Variants in TNFRSF11A observed in about 807,000 individuals in gnomAD.
TNFRSF11A encodes the protein tumor necrosis factor receptor superfamily member 11A.
Under a neutral mutation model 55.7 loss-of-function variants are expected in TNFRSF11A, and 32 were observed. That is an observed-to-expected ratio of 0.57 (90% CI 0.43 to 0.77). TNFRSF11A has a LOEUF of 0.77. Ranked by LOEUF, TNFRSF11A falls within the 30% of genes least tolerant of loss-of-function variation. The pLI, the probability that TNFRSF11A is intolerant of heterozygous loss-of-function variation, is 0.00. For synonymous variants in TNFRSF11A, 311 were observed against 331.0 expected (o/e 0.94, Z 0.65); for missense variants, 753 against 809.8 (o/e 0.93, Z 0.85).
chr18:62,380,123 T>G (rs1186461460), intron 9 of TNFRSF11A, among the ~76,000 whole-genome samples: 1 of 152,198 alleles, frequency 6.6e-6, no homozygotes, highest in Non-Finnish European at 1.5e-5. Context: ...CAGCAAAGCA[T>G]TTAACCCAGC....
chr18:62,376,837 GCC>G (rs1331479157), intron 9 of TNFRSF11A, among the ~76,000 whole-genome samples: 1 of 152,120 alleles, frequency 6.6e-6, no homozygotes, highest in Non-Finnish European at 1.5e-5. Flanking sequence ...ACATTCTATA[GCC>G]TTTTCAGATT....
At chr18:62,363,145 A>G (rs1484974193) in intron 7 of TNFRSF11A, among the ~76,000 whole-genome samples, 1 of 151,950 alleles carries the variant, frequency 6.6e-6, no homozygotes, top group African/African-American at 2.4e-5. Context: ...CGCCTGGCCC[A>G]GTTGGTTGCT....
chr18:62,377,481 G>T (rs1910980100), intron 9 of TNFRSF11A, among the ~76,000 whole-genome samples: 1 of 152,206 alleles, frequency 6.6e-6, no homozygotes, highest in Admixed American at 6.5e-5. Flanking sequence ...TTCCAAAGCA[G>T]CTGTACCCTT....
At chr18:62,347,741 C>T (rs1488945623) in intron 1 of TNFRSF11A, among the ~76,000 whole-genome samples, 2 of 152,012 alleles carry the variant, frequency 1.3e-5, no homozygotes, top group Admixed American at 6.6e-5. Context: ...GGTGAAACCC[C>T]GTCTCTACTA....
chr18:62,366,268 G>A (rs1224254049), intron 7 of TNFRSF11A, among the ~76,000 whole-genome samples: 1 of 152,190 alleles, frequency 6.6e-6, no homozygotes, highest in African/African-American at 2.4e-5. Flanking sequence ...TAAAAATCTA[G>A]AATGATTGCA....
rs546997537 is a variant in TNFRSF11A, at chr18:62,325,605, G to T, written c.75+178G>T. On this transcript the variant is annotated intron_variant, in intron 1 of 9. Transcript: ENST00000586569. The surrounding 1 kb of genome is among the most constrained non-coding windows in gnomAD (Gnocchi z 4.7). Reference sequence around the variant, plus strand: ...TCCAGAGTTGGACGGCGGAGGGCGGGAAAGGGCAAGCGGAGGGAAACTGGG... The same window carrying T: ...TCCAGAGTTGGACGGCGGAGGGCGGTAAAGGGCAAGCGGAGGGAAACTGGG... Among the ~76,000 whole-genome samples, 88 of 152,222 alleles carry T rather than the reference G, an allele frequency of 5.8e-4. No individual in the cohort carries two copies. Among genetic ancestry groups the T allele is most frequent in the South Asian group, 1.0e-3 (5 of 4,830 alleles).
intron 1 of TNFRSF11A, among the ~76,000 whole-genome samples, chr18:62,343,180 T>C (rs944317014): frequency 6.6e-6 from 1 of 152,254 alleles, no homozygotes; most frequent in Non-Finnish European, 1.5e-5. Context: ...ATACCATCCT[T>C]ACTGAAGTTA....
At chr18:62,362,222 G>A (rs1909742712) in intron 7 of TNFRSF11A, among the ~76,000 whole-genome samples, 1 of 152,082 alleles carries the variant, frequency 6.6e-6, no homozygotes, top group Non-Finnish European at 1.5e-5. Context: ...TGGGTGTGGT[G>A]GCTCACACTT....
intron 7 of TNFRSF11A, among the ~76,000 whole-genome samples, chr18:62,363,921 C>T (rs12959053): frequency 0.12 from 17,687 of 152,310 alleles, 1,482 homozygotes; most frequent in Non-Finnish European, 0.18. Flanking sequence ...GTTAGCTCTT[C>T]ATCCTTTCAT....
intron 1 of TNFRSF11A, among the ~76,000 whole-genome samples, chr18:62,326,630 C>T (rs1490320630): frequency 6.6e-6 from 1 of 152,234 alleles, no homozygotes; most frequent in Non-Finnish European, 1.5e-5. Context: ...TTATCTCTCA[C>T]TGCTGTCGCA....
chr18:62,327,229 G>A (rs2046089328), intron 1 of TNFRSF11A, among the ~76,000 whole-genome samples: 1 of 151,118 alleles, frequency 6.6e-6, no homozygotes, highest in South Asian at 2.1e-4. Context: ...AATCTTCTCT[G>A]GGTGAGAAGA....
At chr18:62,371,344 G>C (rs1007846206) in intron 9 of TNFRSF11A, among the ~76,000 whole-genome samples, 1 of 152,210 alleles carries the variant, frequency 6.6e-6, no homozygotes, top group Non-Finnish European at 1.5e-5. Context: ...TGGAAGAACA[G>C]TGTTGGCCAG....
chr18:62,360,621 GTT>G, intron 6 of TNFRSF11A, among the ~76,000 whole-genome samples: 1 of 151,992 alleles, frequency 6.6e-6, no homozygotes, highest in South Asian at 2.1e-4. Flanking sequence ...TAGTTTTTGT[GTT>G]TTTAGTAGAG....
chr18:62,354,536 T>G lies in TNFRSF11A; in HGVS notation c.427+2T>G, dbSNP rs1451937043. The G allele has an allele frequency of 1.2e-6, 2 of 1,602,554 alleles. No homozygotes were observed. The highest frequency in any genetic ancestry group is 1.7e-6 in the Non-Finnish European group (2 of 1,179,460). On this transcript the variant is annotated splice_donor_variant, in intron 4 of 9. Coordinates refer to ENST00000586569, the MANE Select transcript of TNFRSF11A (RefSeq NM_003839.4). LOFTEE classifies it high-confidence loss of function. ...CGGGCCTGGGCGCCCAGCACCCGTGTACGGGTTGGATGTGTGCGTCTGTCG... is the reference window on the plus strand; with the variant it reads ...CGGGCCTGGGCGCCCAGCACCCGTGGACGGGTTGGATGTGTGCGTCTGTCG...
chr18:62,359,809 G>C (rs1211739169), intron 5 of TNFRSF11A, 146 bp from the exon 6 acceptor site: 1 of 713,566 alleles, frequency 1.4e-6, no homozygotes, highest in East Asian at 2.8e-5. Context: ...TCTCCTCCCT[G>C]TGGAAGGCAC....
chr18:62,361,686 A>G lies in TNFRSF11A; in HGVS notation c.623A>G (p.His208Arg). The change falls in exon 7 of 10, where the codon CAT becomes CGT. Residue 208 changes from histidine to arginine, a missense_variant. His to Arg is a conservative substitution (Grantham distance 29). This residue lies in a region of TNFRSF11A where 567 missense variants were observed against 596.7 expected (regional missense o/e 0.95). Transcript: ENST00000586569. ...LPARKPPNEP[H>R]VYLPGLIILL... ...TCATTTTCTTCCAATACAGAACCCC[A>G]TGTTTACTTGCCCGGTTTAATAATT... 2 of 1,613,880 alleles carry G rather than the reference A, an allele frequency of 1.2e-6. No individual in the cohort carries two copies. The highest frequency in any genetic ancestry group is 1.7e-6 in the Non-Finnish European group (2 of 1,179,790).
chr18:62,366,197 C>G (rs1358352805), intron 7 of TNFRSF11A, among the ~76,000 whole-genome samples: 1 of 152,180 alleles, frequency 6.6e-6, no homozygotes, highest in East Asian at 1.9e-4. Context: ...TTGCGGTGGA[C>G]TCTGTTGAAA....
At chr18:62,370,965 G>C (rs1910508448) in intron 9 of TNFRSF11A, among the ~76,000 whole-genome samples, 1 of 152,076 alleles carries the variant, frequency 6.6e-6, no homozygotes, top group African/African-American at 2.4e-5. Context: ...GAGTGGCTGG[G>C]ACTATAGGCG....
rs984101155 is a variant in TNFRSF11A, at chr18:62,368,817, C to T, written c.900C>T (p.Cys300=). Residue 300 remains cysteine (C), a synonymous_variant, in exon 9 of 10, where the codon TGC becomes TGT. Coordinates refer to ENST00000586569, the MANE Select transcript of TNFRSF11A (RefSeq NM_003839.4). ...LEEKTFPEDM[C]YPDQGGVCQG... is the part of the protein sequence containing the mutation. ...AGAAGACATTTCCAGAAGATATGTG[C>T]TACCCAGATCAAGGTGGTGTCTGTC... 3 of 1,614,112 alleles carry T rather than the reference C, an allele frequency of 1.9e-6. No individual in the cohort carries two copies. The highest frequency in any genetic ancestry group is 1.7e-6 in the Non-Finnish European group (2 of 1,180,054).
Sources: allele counts gnomAD v4.1 joint callset (sites outside exome capture counted in the v4.1 genomes callset), GRCh38; gene constraint gnomAD v4.1.1; regional missense constraint gnomAD v4.1.1; non-coding constraint Gnocchi (gnomAD v3.1); transcripts MANE v1.5; gene names NCBI Gene and HGNC (gene_info 2026-07-23, HGNC 2026-07-21).